The following SPATA31H1 variants were observed in gnomAD, a reference collection of about 807,000 sequenced individuals.
The protein encoded by SPATA31H1 is spermatogenesis-associated protein 31H1.
the SPATA31H1 span, among the ~76,000 whole-genome samples, chr2:27,543,775 C>T: frequency 6.6e-6 from 1 of 151,894 alleles, no homozygotes; most frequent in African/African-American, 2.4e-5. Flanking sequence ...TGCACCTGGG[C>T]TCTTAACACC....
At chr2:27,537,633 A>T in the SPATA31H1 span, 2 of 693,872 alleles carry the variant, frequency 2.9e-6, no homozygotes, top group Admixed American at 4.3e-5. Context: ...AGAAACTGCC[A>T]TACTTTGGGC....
chr2:27,582,576 C>A, the SPATA31H1 span: 2 of 1,512,432 alleles, frequency 1.3e-6, no homozygotes, highest in Non-Finnish European at 8.9e-7. Flanking sequence ...CATCGTGCTG[C>A]CCTTTCCAGG....
At chr2:27,551,112 A>C in the SPATA31H1 span, among the ~76,000 whole-genome samples, 4 of 151,514 alleles carry the variant, frequency 2.6e-5, no homozygotes, top group African/African-American at 7.3e-5. Flanking sequence ...CTGGTCTCGA[A>C]CTCCTGACCT....
the SPATA31H1 span, chr2:27,577,855 T>C: frequency 1.9e-6 from 3 of 1,614,132 alleles, no homozygotes; most frequent in Non-Finnish European, 2.5e-6. This position sits in a 1 kb window ranked among gnomAD's most constrained non-coding sequence, Gnocchi z 4.5. Context: ...AGTCAAGTTA[T>C]AGGACATGAA....
At chr2:27,569,331 A>C in the SPATA31H1 span, 185 of 398,966 alleles carry the variant, frequency 4.6e-4, 1 homozygote, top group African/African-American at 3.4e-3. Flanking sequence ...GATACCCCCC[A>C]TGTCAGAATA....
the SPATA31H1 span, chr2:27,566,461 G>A: frequency 2.9e-6 from 2 of 691,726 alleles, no homozygotes; most frequent in African/African-American, 3.6e-5. Context: ...GAATGAAGGA[G>A]GGAGGGAGAG....
At chr2:27,556,743 G>A in the SPATA31H1 span, among the ~76,000 whole-genome samples, 1 of 131,334 alleles carries the variant, frequency 7.6e-6, no homozygotes, top group Non-Finnish European at 1.6e-5. Context: ...ATTCTTGGGT[G>A]TTTCTCGCAG....
chr2:27,580,101 C>T, the SPATA31H1 span: 2 of 1,614,050 alleles, frequency 1.2e-6, no homozygotes, highest in African/African-American at 2.7e-5. Flanking sequence ...GAAAAGATCC[C>T]AAATCTCAAA....
At chr2:27,582,652 C>G in the SPATA31H1 span, 13 of 964,150 alleles carry the variant, frequency 1.3e-5, no homozygotes, top group Non-Finnish European at 1.9e-5. Flanking sequence ...TTCCATTTCT[C>G]TCTACCGGGG....
chr2:27,559,688 T>G, the SPATA31H1 span, among the ~76,000 whole-genome samples: 1 of 152,162 alleles, frequency 6.6e-6, no homozygotes, highest in Non-Finnish European at 1.5e-5. Flanking sequence ...TAAATATATG[T>G]GCTTATCCAT....
At chr2:27,582,013 G>C in the SPATA31H1 span, 4 of 1,605,040 alleles carry the variant, frequency 2.5e-6, no homozygotes, top group Admixed American at 5.1e-5. Flanking sequence ...GAGAGGAGCC[G>C]TCACAGTCTC....
chr2:27,550,344 C>CT, the SPATA31H1 span, among the ~76,000 whole-genome samples: 1 of 140,134 alleles, frequency 7.1e-6, no homozygotes, highest in Non-Finnish European at 1.5e-5. Context: ...ACAAAATACT[C>CT]TATCAAATTA....
the SPATA31H1 span, chr2:27,581,929 C>G: frequency 6.2e-7 from 1 of 1,612,502 alleles, no homozygotes; most frequent in Non-Finnish European, 8.5e-7. Flanking sequence ...CACAGTCCCT[C>G]AGAGAAAAGC....
At chr2:27,540,527 A>ACC in the SPATA31H1 span, among the ~76,000 whole-genome samples, 531 of 46,580 alleles carry the variant, frequency 0.011, no homozygotes, top group African/African-American at 0.031. Context: ...CGGGGGGCTG[A>ACC]CCCCCCCCCC....
chr2:27,540,749 C>T, the SPATA31H1 span, among the ~76,000 whole-genome samples: 302 of 83,296 alleles, frequency 3.6e-3, no homozygotes, highest in African/African-American at 3.8e-3. Context: ...ACATCCCAGA[C>T]AGGGCGGCGG....
chr2:27,578,695 T>C, the SPATA31H1 span: 1 of 1,614,100 alleles, frequency 6.2e-7, no homozygotes, highest in Non-Finnish European at 8.5e-7. Context: ...CTAGGACACG[T>C]GTGTCAGAAT....
the SPATA31H1 span, among the ~76,000 whole-genome samples, chr2:27,540,349 C>G: frequency 8.4e-6 from 1 of 118,898 alleles, no homozygotes; most frequent in Non-Finnish European, 1.8e-5. Flanking sequence ...GGCGGCCGGG[C>G]AGAGGCGCCC....
At chr2:27,580,264 A>G in the SPATA31H1 span, 1 of 1,614,072 alleles carries the variant, frequency 6.2e-7, no homozygotes, top group Non-Finnish European at 8.5e-7. Context: ...GTACAAGTCT[A>G]CATCAGGCGA....
At chr2:27,572,865 T>C in the SPATA31H1 span, 2 of 397,142 alleles carry the variant, frequency 5.0e-6, no homozygotes, top group Non-Finnish European at 8.9e-6. Flanking sequence ...TGGGTCACAG[T>C]TGCACTTTGT....
Sources: gnomAD v4.1 joint callset for allele counts (sites outside exome capture counted in the v4.1 genomes callset) on GRCh38, gnomAD v4.1.1 for gene constraint, Gnocchi (gnomAD v3.1) non-coding constraint, MANE v1.5 for transcripts, NCBI Gene and HGNC (gene_info 2026-07-23, HGNC 2026-07-21) for gene names.